Variants in ZFYVE28 observed in about 807,000 individuals in gnomAD.
ZFYVE28 encodes the protein lateral signaling target protein 2 homolog.
In ZFYVE28, 40 loss-of-function variants were observed where a neutral mutation model predicts 82.1. That is an observed-to-expected ratio of 0.49 (90% CI 0.38 to 0.63). The LOEUF (loss-of-function observed/expected upper bound fraction) is 0.63, where lower values mean the gene tolerates loss of function less well. Ranked by LOEUF, ZFYVE28 falls within the 30% of genes least tolerant of loss-of-function variation. The pLI, the probability that ZFYVE28 is intolerant of heterozygous loss-of-function variation, is 0.00. For synonymous variants in ZFYVE28, 612 were observed against 546.1 expected (o/e 1.12, Z -1.68); for missense variants, 1,321 against 1,242.1 (o/e 1.06, Z -0.96).
At position 2,408,674 on chromosome 4, in the gene ZFYVE28, T is replaced by A. The variant is rs1430819065; in HGVS notation, c.39+9611A>T. Among the ~76,000 whole-genome samples, 1 of 151,936 alleles carries A rather than the reference T, an allele frequency of 6.6e-6. No individual in the cohort carries two copies. Among genetic ancestry groups the A allele is most frequent in the Non-Finnish European group, 1.5e-5 (1 of 67,982 alleles). On this transcript the variant is annotated intron_variant, in intron 1 of 12. Transcript: ENST00000290974. The surrounding 1 kb of genome is among the most constrained non-coding windows in gnomAD (Gnocchi z 4.3). Reference sequence around the variant, plus strand: ...CCATCCAGATAGAGTCCCGCCCAGATGAGTACCACCCAGGTAAGCCTGCCT... The same window carrying A: ...CCATCCAGATAGAGTCCCGCCCAGAAGAGTACCACCCAGGTAAGCCTGCCT...
intron 1 of ZFYVE28, among the ~76,000 whole-genome samples, chr4:2,359,144 T>A (rs968719594): frequency 6.6e-6 from 1 of 151,430 alleles, no homozygotes; most frequent in African/African-American, 2.4e-5. Context: ...CCGGCTAATT[T>A]TTTTTTTTTT....
intron 8 of ZFYVE28, among the ~76,000 whole-genome samples, chr4:2,289,968 G>A (rs1713351160): frequency 1.3e-5 from 2 of 152,170 alleles, no homozygotes; most frequent in African/African-American, 4.8e-5. Context: ...CTCTGCAGAA[G>A]CTCAGGGGGA....
rs1033066060 is a variant in ZFYVE28 at position 2,270,787 on chromosome 4, C to T, written c.2602G>A (p.Val868Met). 1 of 1,613,204 alleles carries T rather than the reference C, an allele frequency of 6.2e-7. No individual in the cohort carries two copies. Among genetic ancestry groups the T allele is most frequent in the Non-Finnish European group, 8.5e-7 (1 of 1,179,940 alleles). ...TGGAACATGTAGCAGTGGGTGCACA[C>T]TCGGACCGGCTTCACCTGCCCGTAG... ...PRYGQVKPVR[V>M]CTHCYMFHVT... The change falls in exon 13 of 13, where the codon GTG becomes ATG. Residue 868 changes from valine to methionine, a missense_variant. Physicochemically the swap from Val to Met is conservative, Grantham distance 21. Around this residue, in one of 2 missense-constraint regions of ZFYVE28, gnomAD observed 978 missense variants for 833.7 expected, o/e 1.17. Coordinates refer to ENST00000290974, the MANE Select transcript of ZFYVE28 (RefSeq NM_020972.3).
At chr4:2,364,500 T>G (rs1429323760) in intron 1 of ZFYVE28, 1 of 985,464 alleles carries the variant, frequency 1.0e-6, no homozygotes, top group Non-Finnish European at 1.2e-6. Context: ...AGGGTGGCTG[T>G]GCCTGTTTAG....
rs559564412 is a variant in ZFYVE28 at position 2,386,302 on chromosome 4, T to C, written c.39+31983A>G. On this transcript the variant is annotated intron_variant, in intron 1 of 12. Transcript: ENST00000290974. The stretch of plus-strand genomic sequence containing the variant: ...GAGTTCAACACCAGCCTGGCCAACA[T>C]GGTGAAACCTCCTCTCTACCAAAAA... Among the ~76,000 whole-genome samples, 13 of 152,250 alleles carry C rather than the reference T, an allele frequency of 8.5e-5. No homozygotes were observed. The East Asian group carries it at 2.3e-3, about 27-fold the overall frequency.
At chr4:2,297,694 G>C (rs1714813191) in intron 8 of ZFYVE28, among the ~76,000 whole-genome samples, 1 of 152,242 alleles carries the variant, frequency 6.6e-6, no homozygotes, top group African/African-American at 2.4e-5. Context: ...GTGACACGGT[G>C]ATATAGCGAC....
chr4:2,366,648 G>A (rs973672335), intron 1 of ZFYVE28, among the ~76,000 whole-genome samples: 3 of 152,200 alleles, frequency 2.0e-5, no homozygotes, highest in East Asian at 3.8e-4. Context: ...AGAGTTCCAC[G>A]CAGCTAGAGG....
At chr4:2,317,335 G>A (rs1456376163) in intron 7 of ZFYVE28, among the ~76,000 whole-genome samples, 1 of 152,194 alleles carries the variant, frequency 6.6e-6, no homozygotes, top group Non-Finnish European at 1.5e-5. Context: ...GGATATAAAA[G>A]AATCATAAAG....
intron 6 of ZFYVE28, among the ~76,000 whole-genome samples, chr4:2,321,849 C>T (rs955054114): frequency 1.3e-5 from 2 of 152,120 alleles, no homozygotes; most frequent in Non-Finnish European, 2.9e-5. Context: ...CGGGCAGCAG[C>T]GTGGCCGAGG....
At chr4:2,396,883 C>G (rs571735660) in intron 1 of ZFYVE28, among the ~76,000 whole-genome samples, 1 of 152,190 alleles carries the variant, frequency 6.6e-6, no homozygotes, top group Non-Finnish European at 1.5e-5. Context: ...CCGACTGACA[C>G]GGAGTCACTG....
At chr4:2,349,841 C>T (rs905181564) in intron 2 of ZFYVE28, among the ~76,000 whole-genome samples, 1 of 152,178 alleles carries the variant, frequency 6.6e-6, no homozygotes, top group Non-Finnish European at 1.5e-5. Flanking sequence ...AATAAGAACT[C>T]TCAGCAAGCT....
rs550354634 is a variant in ZFYVE28, at chr4:2,297,014, G to A, written c.2051+7275C>T. On this transcript the variant is annotated intron_variant, in intron 8 of 12. Coordinates refer to ENST00000290974, the MANE Select transcript of ZFYVE28 (RefSeq NM_020972.3). ...TCCGGGCCACCGAGGCCACAGCACC[G>A]CATGGCCCTTGGTTGAGGCCCCACC... Among the ~76,000 whole-genome samples the A allele has an allele frequency of 5.9e-5, 9 of 152,356 alleles. No individual in the cohort carries two copies. In the East Asian group the frequency reaches 1.7e-3, roughly 29 times the overall value.
chr4:2,290,195 G>A (rs143223583), intron 8 of ZFYVE28, among the ~76,000 whole-genome samples: 5 of 152,292 alleles, frequency 3.3e-5, no homozygotes, highest in East Asian at 3.9e-4. Context: ...CTGGCAACCC[G>A]GAGCCCAGAG....
intron 8 of ZFYVE28, among the ~76,000 whole-genome samples, chr4:2,281,114 C>T (rs563614336): frequency 2.7e-4 from 41 of 152,294 alleles, no homozygotes; most frequent in African/African-American, 9.4e-4. Flanking sequence ...GCTGGAAGCT[C>T]TGGTGGCGTG....
At chr4:2,306,610 T>G (rs1159147683) in intron 7 of ZFYVE28, among the ~76,000 whole-genome samples, 2 of 152,220 alleles carry the variant, frequency 1.3e-5, no homozygotes, top group Non-Finnish European at 1.5e-5. Context: ...AAATTTCAAT[T>G]TCAGATAAAC....
chr4:2,380,927 T>C (rs1445105980), intron 1 of ZFYVE28, among the ~76,000 whole-genome samples: 1 of 152,120 alleles, frequency 6.6e-6, no homozygotes, highest in African/African-American at 2.4e-5. Flanking sequence ...ACTAATACAG[T>C]AAATTGGTAC....
At chr4:2,383,340 A>C (rs1483879585) in intron 1 of ZFYVE28, among the ~76,000 whole-genome samples, 1 of 152,114 alleles carries the variant, frequency 6.6e-6, no homozygotes, top group African/African-American at 2.4e-5. Flanking sequence ...TGGTTTTATC[A>C]GGGGTTTTCA....
chr4:2,321,386 C>T (rs974309957), intron 6 of ZFYVE28, among the ~76,000 whole-genome samples: 2 of 152,118 alleles, frequency 1.3e-5, no homozygotes, highest in Non-Finnish European at 2.9e-5. Flanking sequence ...CCCTAAAAAT[C>T]GTTGGGTTTC....
At chr4:2,357,384 G>T (rs958265166) in intron 1 of ZFYVE28, among the ~76,000 whole-genome samples, 1 of 152,206 alleles carries the variant, frequency 6.6e-6, no homozygotes, top group Non-Finnish European at 1.5e-5. Context: ...GGGCAGAGGA[G>T]CCTTCCTGCC....
Sources: gnomAD v4.1 joint callset for allele counts (sites outside exome capture counted in the v4.1 genomes callset) on GRCh38, gnomAD v4.1.1 for gene constraint, gnomAD v4.1.1 regional missense constraint, Gnocchi (gnomAD v3.1) non-coding constraint, MANE v1.5 for transcripts, NCBI Gene and HGNC (gene_info 2026-07-23, HGNC 2026-07-21) for gene names.